Variants in CTSO observed in about 807,000 individuals in gnomAD.
CTSO encodes the protein cathepsin O.
CTSO carries 40 observed loss-of-function variants against 42.4 expected under a neutral mutation model. The observed-to-expected ratio is 0.94, with a 90% CI of 0.73 to 1.23. CTSO has a LOEUF of 1.23. CTSO is among the 50% of genes most tolerant of loss of function. CTSO has a pLI of 0.00. For missense variants in CTSO, 441 were observed against 396.0 expected (o/e 1.11, Z -0.96); for synonymous variants, 156 against 146.2 (o/e 1.07, Z -0.48).
At chr4:155,933,300 GCCA>G (rs749612569) in intron 5 of CTSO, among the ~76,000 whole-genome samples, 1,772 of 152,020 alleles carry the variant, frequency 0.012, 20 homozygotes, top group South Asian at 0.019. Flanking sequence ...TTCTCTTGCC[GCCA>G]CCATGTAAGA....
chr4:155,935,204 T>A (rs975940444), intron 5 of CTSO, among the ~76,000 whole-genome samples: 1 of 152,168 alleles, frequency 6.6e-6, no homozygotes, highest in South Asian at 2.1e-4. Flanking sequence ...GCCACGTAAG[T>A]AGTGCCTTTT....
At chr4:155,931,795 C>T (rs538231264) in intron 5 of CTSO, among the ~76,000 whole-genome samples, 100 of 149,772 alleles carry the variant, frequency 6.7e-4, no homozygotes, top group Non-Finnish European at 1.1e-3. Context: ...ATTATTATAA[C>T]GAATTATTAT....
intron 3 of CTSO, among the ~76,000 whole-genome samples, chr4:155,940,623 T>A (rs745934695): frequency 8.5e-5 from 13 of 152,112 alleles, no homozygotes; most frequent in South Asian, 2.1e-4. Flanking sequence ...GGCAGGCGGA[T>A]CATGAGGTCA....
chr4:155,943,246 G>T lies in CTSO; in HGVS notation c.154C>A (p.Arg52=), dbSNP rs559355629. The T allele has an allele frequency of 1.2e-6, 2 of 1,606,660 alleles. No individual in the cohort carries two copies. The highest frequency in any genetic ancestry group is 1.3e-5 in the African/African-American group (1 of 74,732). The part of the protein sequence containing the change: ...AAFRESLNRH[R]YLNSLFPSEN... ...CTGGGAAATAAAGAATTCAAGTATC[G>T]ATGTCTATTAAGACTTTCCTAGAAG... Residue 52 remains arginine, a synonymous_variant, in exon 2 of 8, where the codon CGA becomes AGA. Coordinates refer to ENST00000433477, the MANE Select transcript of CTSO (RefSeq NM_001334.3).
intron 7 of CTSO, among the ~76,000 whole-genome samples, chr4:155,926,330 C>T (rs1462273846): frequency 3.9e-5 from 6 of 152,092 alleles, no homozygotes; most frequent in Admixed American, 1.3e-4. Context: ...ACAACAAAAA[C>T]TACCTGTTAA....
chr4:155,949,097 T>C (rs1414704440), intron 1 of CTSO, among the ~76,000 whole-genome samples: 1 of 152,212 alleles, frequency 6.6e-6, no homozygotes, highest in Non-Finnish European at 1.5e-5. Context: ...TACAAAGGGT[T>C]GAAGGGATTG....
chr4:155,933,199 A>G (rs545289967), intron 5 of CTSO, among the ~76,000 whole-genome samples: 1 of 152,254 alleles, frequency 6.6e-6, no homozygotes, highest in South Asian at 2.1e-4. Flanking sequence ...CATGGGGGCC[A>G]GTCTTTCCAG....
Position 155,925,780 on chromosome 4 carries a change from A to G in CTSO, c.*256T>C. On this transcript the variant is annotated 3_prime_UTR_variant, in exon 8 of 8. Transcript: ENST00000433477. ...GGGCCTAAAATATCTCCTAATCTGA[A>G]TTTCGTCTCAGGACAGGAAACTATT... 9.3e-6 allele frequency: 4 copies of G among 430,334 alleles called. No homozygotes were observed. The highest frequency in any genetic ancestry group is 1.6e-5 in the Non-Finnish European group (4 of 246,554). The allele number at this position is 430,334 out of a possible 1,614,324, so 26.7% of individuals were successfully genotyped here. A position where few individuals can be genotyped will look rare whatever the true frequency, so the allele number is the denominator to read the frequency against.
In CTSO at chr4:155,939,097, A is replaced by G. The variant is rs181849518; in HGVS notation, c.552+274T>C. 1.7e-4 allele frequency among the ~76,000 whole-genome samples: 26 copies of G among 152,318 alleles called. No homozygotes were observed. In the East Asian group the frequency reaches 4.4e-3, roughly 26 times the overall value. ...TATGAGATATTCAGATCTGCAAAAA[A>G]GCATGTATATATTAAGAAATGTTAA... On this transcript the variant is annotated intron_variant, in intron 4 of 7. Transcript: ENST00000433477.
intron 1 of CTSO, among the ~76,000 whole-genome samples, chr4:155,949,028 C>T (rs1743599881): frequency 6.6e-6 from 1 of 152,202 alleles, no homozygotes; most frequent in Non-Finnish European, 1.5e-5. Flanking sequence ...CTTTTATGAG[C>T]AAACTGTTGA....
intron 1 of CTSO, among the ~76,000 whole-genome samples, chr4:155,951,586 A>C (rs1162433295): frequency 6.6e-6 from 1 of 152,228 alleles, no homozygotes; most frequent in African/African-American, 2.4e-5. Flanking sequence ...AAACTATCTA[A>C]GGCTAAGATT....
chr4:155,935,779 T>A (rs1743319079), intron 5 of CTSO, among the ~76,000 whole-genome samples: 1 of 152,222 alleles, frequency 6.6e-6, no homozygotes. Context: ...TCAGTAAATA[T>A]TTGAATGAAT....
rs1213847590 is a variant in CTSO at position 155,939,372 on chromosome 4, T to C, written c.551A>G (p.Lys184Arg). 5 of 1,596,918 alleles carry C rather than the reference T, an allele frequency of 3.1e-6. No individual in the cohort carries two copies. ...STLNALNWLN[K>R]MQVKLVKDSE... ...TTAAGAGGTTGAGAGACTAGTCACC[T>C]TGTTTAACCAGTTCAAAGCATTGAG... is the stretch of plus-strand genomic sequence containing the variant. The change falls in exon 4 of 8, where the codon AAG becomes AGG. Residue 184 changes from lysine to arginine, a missense_variant and splice_region_variant. Coordinates refer to ENST00000433477, the MANE Select transcript of CTSO (RefSeq NM_001334.3).
chr4:155,946,596 G>A (rs1381222245), intron 1 of CTSO, among the ~76,000 whole-genome samples: 1 of 152,004 alleles, frequency 6.6e-6, no homozygotes, highest in African/African-American at 2.4e-5. Flanking sequence ...GTTCAACCAG[G>A]AGCCAACTTC....
intron 1 of CTSO, among the ~76,000 whole-genome samples, chr4:155,949,734 A>G (rs1560791677): frequency 6.6e-6 from 1 of 152,254 alleles, no homozygotes; most frequent in African/African-American, 2.4e-5. Context: ...ATATTTGTAT[A>G]CAAAGAGCAT....
At chr4:155,948,870 G>T (rs1743594749) in intron 1 of CTSO, among the ~76,000 whole-genome samples, 1 of 152,222 alleles carries the variant, frequency 6.6e-6, no homozygotes. Flanking sequence ...AGGGTGACTT[G>T]AGGGGTTCTC....
At chr4:155,937,586 A>C in intron 4 of CTSO, 103 bp from the exon 5 acceptor site, 2 of 1,033,872 alleles carry the variant, frequency 1.9e-6, no homozygotes, top group Non-Finnish European at 2.9e-6. Context: ...ACACACCTTC[A>C]TCATGTGGAT....
intron 1 of CTSO, 103 bp downstream of exon 1, chr4:155,953,610 C>G: frequency 1.6e-6 from 2 of 1,213,864 alleles, no homozygotes; most frequent in Non-Finnish European, 2.1e-6. Context: ...GCCACGGGTG[C>G]CCACGAGCAG....
In CTSO at chr4:155,925,418, T is replaced by C. The variant is rs2110897956; in HGVS notation, c.*618A>G. On this transcript the variant is annotated 3_prime_UTR_variant, in exon 8 of 8. Coordinates refer to ENST00000433477, the MANE Select transcript of CTSO (RefSeq NM_001334.3). ...TGCCTTATTGTTCATTTAATTTCAG[T>C]TTAACTGAAGCGATTTTGCCCTTTT... The C allele has an allele frequency of 6.6e-6, 1 of 152,346 alleles. No individual in the cohort carries two copies. The highest frequency in any genetic ancestry group is 1.9e-4 in the East Asian group (1 of 5,172). 9.4% of individuals were successfully genotyped at this position (152,346 alleles called of 1,614,324 possible).
Sources: gnomAD v4.1 joint callset for allele counts (sites outside exome capture counted in the v4.1 genomes callset) on GRCh38, gnomAD v4.1.1 for gene constraint, MANE v1.5 for transcripts, NCBI Gene and HGNC (gene_info 2026-07-23, HGNC 2026-07-21) for gene names.